Variants in LHFPL3 observed in about 807,000 individuals in gnomAD.
The protein encoded by LHFPL3 is LHFPL tetraspan subfamily member 3 protein.
Under a neutral mutation model 19.3 loss-of-function variants are expected in LHFPL3, and 5 were observed. The ratio of observed to expected loss-of-function variants is 0.26; its 90% CI spans 0.14 to 0.54. The LOEUF is 0.54. Ranked by LOEUF, LHFPL3 falls within the 20% of genes least tolerant of loss-of-function variation. LHFPL3 has a pLI of 0.94. For synonymous variants in LHFPL3, 133 were observed against 126.2 expected (o/e 1.05, Z -0.36); for missense variants, 249 against 307.4 (o/e 0.81, Z 1.42).
chr7:104,663,808 A>G (rs1337512233), intron 1 of LHFPL3, among the ~76,000 whole-genome samples: 1 of 152,230 alleles, frequency 6.6e-6, no homozygotes, highest in African/African-American at 2.4e-5. Flanking sequence ...AATTGAATCC[A>G]TGTAAATGAG....
At chr7:104,893,042 C>T (rs1317369025) in intron 2 of LHFPL3, among the ~76,000 whole-genome samples, 1 of 151,472 alleles carries the variant, frequency 6.6e-6, no homozygotes, top group Admixed American at 6.6e-5. Context: ...ACTATCTCTA[C>T]AGAAAAAAAA....
At chr7:104,763,110 A>G (rs1441487701) in intron 2 of LHFPL3, among the ~76,000 whole-genome samples, 1 of 152,212 alleles carries the variant, frequency 6.6e-6, no homozygotes, top group Non-Finnish European at 1.5e-5. Flanking sequence ...TTTGATAACT[A>G]TTCTATAATC....
intron 1 of LHFPL3, among the ~76,000 whole-genome samples, chr7:104,379,697 T>C (rs1790789364): frequency 6.6e-6 from 1 of 151,994 alleles, no homozygotes; most frequent in Admixed American, 6.5e-5. Flanking sequence ...AAAACCAACA[T>C]GAAGTTTCAC....
chr7:104,589,867 C>G (rs1037668415), intron 1 of LHFPL3, among the ~76,000 whole-genome samples: 4 of 152,136 alleles, frequency 2.6e-5, no homozygotes, highest in African/African-American at 9.7e-5. Flanking sequence ...AGGAATTTAT[C>G]CATTTCTTCT....
chr7:104,339,696 T>G (rs911594404), intron 1 of LHFPL3, among the ~76,000 whole-genome samples: 1 of 152,216 alleles, frequency 6.6e-6, no homozygotes, highest in Non-Finnish European at 1.5e-5. Context: ...GGGAAATAAT[T>G]ATCTATGTAT....
chr7:104,430,441 TA>T (rs1751595535), intron 1 of LHFPL3, among the ~76,000 whole-genome samples: 1 of 15,790 alleles, frequency 6.3e-5, no homozygotes, highest in Non-Finnish European at 1.1e-4. Flanking sequence ...TATATATATA[TA>T]TATATATATA....
intron 1 of LHFPL3, among the ~76,000 whole-genome samples, chr7:104,411,775 G>C (rs368753235): frequency 6.6e-6 from 1 of 152,036 alleles, no homozygotes; most frequent in Non-Finnish European, 1.5e-5. Flanking sequence ...AAATATGTTC[G>C]CTTTAGAAGT....
At chr7:104,575,862 G>T (rs1790328798) in intron 1 of LHFPL3, among the ~76,000 whole-genome samples, 1 of 152,060 alleles carries the variant, frequency 6.6e-6, no homozygotes, top group South Asian at 2.1e-4. Flanking sequence ...CCTGCAAATG[G>T]CATTCCTGAA....
chr7:104,907,564 G>T lies in LHFPL3; in HGVS notation c.*1349G>T, dbSNP rs1792644459. Among the ~76,000 whole-genome samples the T allele has an allele frequency of 6.6e-6, 1 of 152,126 alleles. No homozygotes were observed. Among genetic ancestry groups the T allele is most frequent in the Admixed American group, 6.6e-5 (1 of 15,266 alleles). On this transcript the variant is annotated 3_prime_UTR_variant, in exon 3 of 3. Coordinates refer to ENST00000424859, the MANE Select transcript of LHFPL3 (RefSeq NM_199000.3). ...CAAACAAATATTTAATATTGAAATAGCCCATTGCCTGAGAATGAACACAAG... is the reference window on the plus strand; with the variant it reads ...CAAACAAATATTTAATATTGAAATATCCCATTGCCTGAGAATGAACACAAG...
intron 1 of LHFPL3, among the ~76,000 whole-genome samples, chr7:104,674,163 G>C (rs1373114834): frequency 6.7e-6 from 1 of 149,794 alleles, no homozygotes; most frequent in African/African-American, 2.5e-5. Context: ...TTCAGTACAA[G>C]CCATGTGCTC....
intron 2 of LHFPL3, among the ~76,000 whole-genome samples, chr7:104,868,460 G>A (rs1441123660): frequency 6.6e-6 from 1 of 152,070 alleles, no homozygotes; most frequent in African/African-American, 2.4e-5. Flanking sequence ...AATCATGAGT[G>A]AACTCCCATT....
At chr7:104,782,223 CT>C (rs1794726122) in intron 2 of LHFPL3, among the ~76,000 whole-genome samples, 1 of 152,176 alleles carries the variant, frequency 6.6e-6, no homozygotes, top group South Asian at 2.1e-4. Context: ...CTCAGGACTT[CT>C]CCACATGGTC....
intron 2 of LHFPL3, among the ~76,000 whole-genome samples, chr7:104,807,398 A>G (rs910418464): frequency 6.6e-6 from 1 of 152,198 alleles, no homozygotes; most frequent in Non-Finnish European, 1.5e-5. Flanking sequence ...CTGGACTTCT[A>G]GTCTGCAGAA....
intron 1 of LHFPL3, among the ~76,000 whole-genome samples, chr7:104,430,434 A>ACACG (rs1562895281): frequency 7.0e-5 from 1 of 14,356 alleles, no homozygotes; most frequent in Non-Finnish European, 1.3e-4. Flanking sequence ...ATATATATAT[A>ACACG]TATATATATA....
intron 2 of LHFPL3, among the ~76,000 whole-genome samples, chr7:104,865,523 G>GA (rs1475759056): frequency 6.6e-6 from 1 of 152,100 alleles, no homozygotes; most frequent in African/African-American, 2.4e-5. Flanking sequence ...CAAGTTTAGA[G>GA]AAAAAAGAAT....
intron 1 of LHFPL3, among the ~76,000 whole-genome samples, chr7:104,359,168 T>A (rs562250822): frequency 6.6e-6 from 1 of 152,348 alleles, no homozygotes; most frequent in South Asian, 2.1e-4. Context: ...AAACCACACG[T>A]TGCATATTTA....
intron 1 of LHFPL3, among the ~76,000 whole-genome samples, chr7:104,709,671 T>C (rs1055386457): frequency 6.6e-6 from 1 of 151,850 alleles, no homozygotes; most frequent in African/African-American, 2.4e-5. Flanking sequence ...TCTCTTTCTT[T>C]TCCCCACATT....
intron 1 of LHFPL3, among the ~76,000 whole-genome samples, chr7:104,397,336 C>A (rs1584292020): frequency 6.6e-6 from 1 of 152,056 alleles, no homozygotes; most frequent in South Asian, 2.1e-4. Context: ...CAGCACTTTA[C>A]CATATTCTTC....
intron 2 of LHFPL3, among the ~76,000 whole-genome samples, chr7:104,753,683 A>G (rs1024684650): frequency 1.2e-4 from 19 of 152,184 alleles, no homozygotes; most frequent in African/African-American, 4.6e-4. Flanking sequence ...GAATAAGCAA[A>G]GGATTCCTCT....
Sources: allele counts gnomAD v4.1 joint callset (sites outside exome capture counted in the v4.1 genomes callset), GRCh38; gene constraint gnomAD v4.1.1; transcripts MANE v1.5; gene names NCBI Gene and HGNC (gene_info 2026-07-23, HGNC 2026-07-21).